Variants in C3orf33 observed in about 807,000 individuals in gnomAD.
The protein encoded by C3orf33 is AP-1 activity suppressor.
In C3orf33, 23 loss-of-function variants were observed where a neutral mutation model predicts 28.7. The ratio of observed to expected loss-of-function variants is 0.80; its 90% CI spans 0.58 to 1.13. The LOEUF (loss-of-function observed/expected upper bound fraction) is 1.13, where lower values mean the gene tolerates loss of function less well. Ranked by LOEUF, C3orf33 falls within the 50% of genes most tolerant of loss-of-function variation. The pLI, the probability that C3orf33 is intolerant of heterozygous loss-of-function variation, is 0.00. For synonymous variants in C3orf33, 119 were observed against 120.5 expected (o/e 0.99, Z 0.08); for missense variants, 327 against 353.4 (o/e 0.93, Z 0.60).
intron 3 of C3orf33, among the ~76,000 whole-genome samples, chr3:155,774,502 C>T (rs754281276): frequency 2.0e-5 from 3 of 152,026 alleles, no homozygotes; most frequent in Non-Finnish European, 4.4e-5. Context: ...TGTCTGGGTG[C>T]TTTGATGTGA....
intron 2 of C3orf33, among the ~76,000 whole-genome samples, chr3:155,794,466 A>G (rs949681667): frequency 1.3e-5 from 2 of 152,124 alleles, no homozygotes; most frequent in Admixed American, 6.5e-5. Flanking sequence ...GAAGGATGGA[A>G]AAAAGGAAGA....
intron 2 of C3orf33, among the ~76,000 whole-genome samples, chr3:155,791,242 T>C (rs1559997395): frequency 6.6e-6 from 1 of 152,068 alleles, no homozygotes; most frequent in Non-Finnish European, 1.5e-5. Context: ...CCCACTACCT[T>C]GAAGAGAAGA....
intron 3 of C3orf33, among the ~76,000 whole-genome samples, chr3:155,770,704 T>G (rs1383661371): frequency 3.9e-5 from 6 of 152,174 alleles, no homozygotes; most frequent in Non-Finnish European, 8.8e-5. Context: ...GTTTCTTTCT[T>G]GTCACCCAGG....
intron 2 of C3orf33, among the ~76,000 whole-genome samples, chr3:155,776,247 AG>A (rs1275757180): frequency 6.6e-6 from 1 of 152,204 alleles, no homozygotes; most frequent in African/African-American, 2.4e-5. Flanking sequence ...ACTTAAACAA[AG>A]CTCAGTCAAA....
rs1031451053 is a variant in C3orf33, at chr3:155,767,517, C to T, written c.475G>A (p.Val159Met). The change falls in exon 4 of 5, where the codon GTG becomes ATG. Residue 159 changes from valine (V) to methionine (M), a missense_variant. By Grantham distance (21) the Val-to-Met change is conservative (BLOSUM62 1). Transcript: ENST00000340171. ...TTCTTCACATTGCTTACCTTACTCA[C>T]CAGAAGATAGCAAAAGAGTGCTGAA... Reference protein sequence around the residue: ...ENSALFCYLLVSKGGYFSVNL... With the variant: ...ENSALFCYLLMSKGGYFSVNL... 1.3e-6 allele frequency: 2 copies of T among 1,562,518 alleles called. No homozygotes were observed. Among genetic ancestry groups the T allele is most frequent in the Non-Finnish European group, 1.7e-6 (2 of 1,148,156 alleles).
intron 2 of C3orf33, among the ~76,000 whole-genome samples, chr3:155,802,292 CT>C (rs1457820950): frequency 2.6e-5 from 4 of 152,016 alleles, no homozygotes; most frequent in African/African-American, 9.7e-5. Flanking sequence ...TTTCAGATTC[CT>C]TTTTAAGCAT....
chr3:155,772,392 G>A (rs1161184241), intron 3 of C3orf33, among the ~76,000 whole-genome samples: 1 of 152,136 alleles, frequency 6.6e-6, no homozygotes, highest in Non-Finnish European at 1.5e-5. Context: ...CATGAGATGG[G>A]TGGGAAACTC....
intron 2 of C3orf33, among the ~76,000 whole-genome samples, chr3:155,779,388 G>A (rs774837433): frequency 1.3e-5 from 2 of 152,014 alleles, no homozygotes; most frequent in African/African-American, 4.8e-5. Flanking sequence ...TCTGCCTCCC[G>A]GGTTCAGGCA....
chr3:155,775,957 T>A (rs759219359), intron 2 of C3orf33, 109 bp from the exon 3 acceptor site: 24 of 765,854 alleles, frequency 3.1e-5, no homozygotes, highest in Non-Finnish European at 4.8e-5. Context: ...CCATGAACAT[T>A]TTAAAATTTA....
intron 2 of C3orf33, among the ~76,000 whole-genome samples, chr3:155,781,066 C>T (rs1262322560): frequency 2.0e-5 from 3 of 150,172 alleles, no homozygotes; most frequent in South Asian, 2.1e-4. Flanking sequence ...GGCGCAATCT[C>T]GGCTCACTGC....
intron 2 of C3orf33, among the ~76,000 whole-genome samples, chr3:155,777,366 C>G (rs1750782144): frequency 6.6e-6 from 1 of 151,630 alleles, no homozygotes; most frequent in Non-Finnish European, 1.5e-5. Context: ...TGAATACAGA[C>G]TGGGTATTAG....
intron 2 of C3orf33, among the ~76,000 whole-genome samples, chr3:155,785,114 A>T (rs2109267339): frequency 6.6e-6 from 1 of 152,154 alleles, no homozygotes; most frequent in African/African-American, 2.4e-5. Context: ...AATCAAAAAA[A>T]GTTACAACAG....
rs1431441372 is a variant in C3orf33, at chr3:155,770,990, GTGTTGAGACATAGTTTTGCTCTGCCAC to G, written c.323-3348_323-3322del. 1.3e-4 allele frequency among the ~76,000 whole-genome samples: 18 copies of G among 143,920 alleles called. 1 individual carries two copies. The highest frequency in any genetic ancestry group is 2.3e-4 in the South Asian group (1 of 4,296). The allele number at this position is 143,920 out of a possible 152,430, so 94.4% of individuals were successfully genotyped here. On this transcript the variant is annotated intron_variant, in intron 3 of 4. Coordinates refer to ENST00000340171, the MANE Select transcript of C3orf33 (RefSeq NM_001308229.2). ...TGTGTGTGTGTGTGTGTGTGTGTGTGTGTTGAGACATAGTTTTGCTCTGCCACTGTGTGTGTGTGTGTGTGTGTGTGT... is the reference window on the plus strand; with the variant it reads ...TGTGTGTGTGTGTGTGTGTGTGTGTGTGTGTGTGTGTGTGTGTGTGTGTGT...
chr3:155,783,923 T>C (rs1238682401), intron 2 of C3orf33, among the ~76,000 whole-genome samples: 8 of 151,714 alleles, frequency 5.3e-5, no homozygotes, highest in Non-Finnish European at 8.8e-5. Flanking sequence ...TTTTGTTTTG[T>C]TTGGGGTTTT....
intron 2 of C3orf33, among the ~76,000 whole-genome samples, chr3:155,783,087 C>T (rs914305630): frequency 9.2e-5 from 14 of 152,024 alleles, no homozygotes; most frequent in African/African-American, 3.4e-4. Flanking sequence ...CCTGATGATG[C>T]TACTGTCCTG....
intron 2 of C3orf33, among the ~76,000 whole-genome samples, chr3:155,785,882 T>G (rs891133354): frequency 4.6e-5 from 7 of 151,878 alleles, no homozygotes; most frequent in Admixed American, 1.3e-4. Flanking sequence ...ACTAAAAAAA[T>G]ACAAAACATT....
intron 4 of C3orf33, among the ~76,000 whole-genome samples, chr3:155,766,129 A>G (rs1443328401): frequency 6.6e-6 from 1 of 152,182 alleles, no homozygotes; most frequent in Non-Finnish European, 1.5e-5. Flanking sequence ...CGTAGGCTGA[A>G]GCGTTCCTCC....
intron 1 of C3orf33, among the ~76,000 whole-genome samples, chr3:155,804,461 G>A (rs1751756805): frequency 6.6e-6 from 1 of 152,138 alleles, no homozygotes; most frequent in Admixed American, 6.5e-5. Flanking sequence ...CTAAGAACTG[G>A]GGCTACAATG....
chr3:155,802,108 A>G (rs1560001758), intron 2 of C3orf33, among the ~76,000 whole-genome samples: 1 of 152,222 alleles, frequency 6.6e-6, no homozygotes, highest in Non-Finnish European at 1.5e-5. Context: ...CCAATAAAAC[A>G]TTATTGAAAG....
Sources: allele counts gnomAD v4.1 joint callset (sites outside exome capture counted in the v4.1 genomes callset), GRCh38; gene constraint gnomAD v4.1.1; transcripts MANE v1.5; gene names NCBI Gene and HGNC (gene_info 2026-07-23, HGNC 2026-07-21).